Variants in ABHD12B observed in about 807,000 individuals in gnomAD.
ABHD12B encodes protein ABHD12B.
In ABHD12B, 42 loss-of-function variants were observed where a neutral mutation model predicts 50.4. The observed-to-expected ratio is 0.83, with a 90% CI of 0.65 to 1.08. The LOEUF is 1.08. Among genes scored for constraint, ABHD12B ranks in the 50% least tolerant of loss-of-function variants. The pLI, the probability that ABHD12B is intolerant of heterozygous loss-of-function variation, is 0.00. For synonymous variants in ABHD12B, 167 were observed against 160.3 expected (o/e 1.04, Z -0.32); for missense variants, 479 against 447.7 (o/e 1.07, Z -0.63).
rs1596012498 is a variant in ABHD12B, at chr14:50,888,823, G to C, written c.701-1G>C. 1.2e-6 allele frequency: 2 copies of C among 1,613,482 alleles called. No individual in the cohort carries two copies. The highest frequency in any genetic ancestry group is 1.7e-6 in the Non-Finnish European group (2 of 1,179,696). On this transcript the variant is annotated splice_acceptor_variant, in intron 8 of 12. Transcript: ENST00000337334. LOFTEE classifies it high-confidence loss of function. ...TCTTTCTTTCTTTCTTTCATTTCAAGGATGCCCAGTTGATGCTATTGTCTT... is the reference window on the plus strand; with the variant it reads ...TCTTTCTTTCTTTCTTTCATTTCAACGATGCCCAGTTGATGCTATTGTCTT...
intron 5 of ABHD12B, among the ~76,000 whole-genome samples, chr14:50,885,231 A>G (rs2050019726): frequency 6.6e-6 from 1 of 152,194 alleles, no homozygotes; most frequent in Non-Finnish European, 1.5e-5. Flanking sequence ...TTTCAAAAAT[A>G]CATCTTTCCC....
At chr14:50,883,772 C>T (rs932104211) in intron 5 of ABHD12B, among the ~76,000 whole-genome samples, 9 of 152,246 alleles carry the variant, frequency 5.9e-5, no homozygotes, top group Non-Finnish European at 1.2e-4. Context: ...CCAACAGGAC[C>T]AAACTTCCTT....
intron 5 of ABHD12B, among the ~76,000 whole-genome samples, chr14:50,883,197 C>A (rs1596006154): frequency 6.6e-6 from 1 of 152,200 alleles, no homozygotes; most frequent in Non-Finnish European, 1.5e-5. Context: ...CTTCCACCCT[C>A]TGGTTAGGTA....
chr14:50,894,518 A>T (rs2142759939), intron 9 of ABHD12B, among the ~76,000 whole-genome samples: 1 of 151,892 alleles, frequency 6.6e-6, no homozygotes, highest in Middle Eastern at 3.4e-3. Context: ...TCTTCAACTC[A>T]CACCTGACCT....
intron 9 of ABHD12B, among the ~76,000 whole-genome samples, chr14:50,895,910 C>A (rs904226224): frequency 1.3e-5 from 2 of 152,180 alleles, no homozygotes; most frequent in Admixed American, 1.3e-4. Context: ...TTTTAGTTAT[C>A]CCCACCTGCC....
chr14:50,885,683 A>G (rs1313240667), intron 6 of ABHD12B, 24 bp downstream of exon 6: 1 of 1,614,172 alleles, frequency 6.2e-7, no homozygotes, highest in African/African-American at 1.3e-5. Flanking sequence ...ACGGTGTACA[A>G]AGATGTTTCA....
chr14:50,902,290 C>T (rs1187022561), intron 10 of ABHD12B, among the ~76,000 whole-genome samples: 1 of 151,940 alleles, frequency 6.6e-6, no homozygotes, highest in Non-Finnish European at 1.5e-5. Context: ...TGAAACCAGC[C>T]CGGGCAACAC....
rs538736195 is a variant in ABHD12B, at chr14:50,902,370, A to G, written c.863+459A>G. On this transcript the variant is annotated intron_variant, in intron 10 of 12. Transcript: ENST00000337334. The stretch of plus-strand genomic sequence containing the variant: ...GTGGGGGCACGTGCCTGTCATCCCA[A>G]CTACACGTGAGGCTGAAGTAGGAGG... Among the ~76,000 whole-genome samples, 3 of 152,196 alleles carry G rather than the reference A, an allele frequency of 2.0e-5. No homozygotes were observed. The South Asian group carries it at 6.2e-4, about 32-fold the overall frequency.
intron 7 of ABHD12B, 113 bp downstream of exon 7, chr14:50,886,008 G>A: frequency 6.8e-7 from 1 of 1,467,912 alleles, no homozygotes; most frequent in Non-Finnish European, 9.3e-7. Flanking sequence ...GGGACTCTTT[G>A]CTGATCATTT....
chr14:50,886,771 CAT>C, intron 8 of ABHD12B, 87 bp downstream of exon 8: 2 of 1,271,224 alleles, frequency 1.6e-6, no homozygotes, highest in Non-Finnish European at 2.2e-6. Context: ...ACACTTTGAA[CAT>C]ATAGACACCA....
intron 1 of ABHD12B, among the ~76,000 whole-genome samples, chr14:50,872,522 A>G (rs2049801566): frequency 6.6e-6 from 1 of 152,220 alleles, no homozygotes; most frequent in Non-Finnish European, 1.5e-5. Flanking sequence ...TTGGTATTTC[A>G]GGAAGTTATA....
intron 5 of ABHD12B, among the ~76,000 whole-genome samples, chr14:50,882,567 A>T (rs1344059243): frequency 2.0e-5 from 3 of 151,352 alleles, no homozygotes; most frequent in African/African-American, 7.3e-5. Context: ...TTTTTAGTAG[A>T]GACAGGGTTT....
Position 50,904,878 on chromosome 14 carries a change from G to T in ABHD12B, c.*512G>T. 4.3e-6 allele frequency: 1 copy of T among 232,330 alleles called. No homozygotes were observed. Among genetic ancestry groups the T allele is most frequent in the Non-Finnish European group, 8.4e-6 (1 of 118,740 alleles). 14.4% of individuals were successfully genotyped at this position (232,330 alleles called of 1,614,324 possible). ...GCCTTCATCTATGAACCACAAAGTAGCCCTCATCAGACACTGAATCAGCCA... is the reference window on the plus strand; with the variant it reads ...GCCTTCATCTATGAACCACAAAGTATCCCTCATCAGACACTGAATCAGCCA... On this transcript the variant is annotated 3_prime_UTR_variant, in exon 13 of 13. Coordinates refer to ENST00000337334, the MANE Select transcript of ABHD12B (RefSeq NM_001206673.2).
rs1301202129 is a variant in ABHD12B, at chr14:50,872,113, C to G, written c.-62C>G. ...CGGTGCCGCCGGGGCGGGAAGGTCGCGGGCGGCTGCTCCGGACTGCAGCTC... is the reference window on the plus strand; with the variant it reads ...CGGTGCCGCCGGGGCGGGAAGGTCGGGGGCGGCTGCTCCGGACTGCAGCTC... On this transcript the variant is annotated 5_prime_UTR_variant, in exon 1 of 13. Coordinates refer to ENST00000337334, the MANE Select transcript of ABHD12B (RefSeq NM_001206673.2). 1.3e-5 allele frequency: 15 copies of G among 1,162,872 alleles called. No homozygotes were observed. Among genetic ancestry groups the G allele is most frequent in the Non-Finnish European group, 1.6e-5 (15 of 932,330 alleles). The allele number at this position is 1,162,872 out of a possible 1,614,324, so 72.0% of individuals were successfully genotyped here.
chr14:50,895,064 A>G (rs1403219928), intron 9 of ABHD12B, among the ~76,000 whole-genome samples: 1 of 149,706 alleles, frequency 6.7e-6, no homozygotes, highest in African/African-American at 2.6e-5. Flanking sequence ...TTTATCCCAA[A>G]TCAGATAGCA....
intron 7 of ABHD12B, 52 bp from the exon 8 acceptor site, chr14:50,886,595 C>G: frequency 6.4e-7 from 1 of 1,553,132 alleles, no homozygotes; most frequent in Non-Finnish European, 8.8e-7. Flanking sequence ...CCAGAAGTTG[C>G]ATTTTGTACT....
At chr14:50,874,928 C>T (rs2049840653) in intron 1 of ABHD12B, among the ~76,000 whole-genome samples, 1 of 152,256 alleles carries the variant, frequency 6.6e-6, no homozygotes, top group South Asian at 2.1e-4. Context: ...CCTCTTTCCT[C>T]TGAAGCTACC....
At chr14:50,896,080 C>T (rs1017819455) in intron 9 of ABHD12B, among the ~76,000 whole-genome samples, 1 of 152,042 alleles carries the variant, frequency 6.6e-6, no homozygotes, top group Admixed American at 6.6e-5. Flanking sequence ...GTATAAGATA[C>T]CTCTACTCCC....
chr14:50,888,703 C>A, intron 8 of ABHD12B, 121 bp from the exon 9 acceptor site: 1 of 786,622 alleles, frequency 1.3e-6, no homozygotes. Context: ...TATTAATAAC[C>A]TTCACAAATA....
Sources: gnomAD v4.1 joint callset for allele counts (sites outside exome capture counted in the v4.1 genomes callset) on GRCh38, gnomAD v4.1.1 for gene constraint, MANE v1.5 for transcripts, NCBI Gene and HGNC (gene_info 2026-07-23, HGNC 2026-07-21) for gene names.